Variants in AMELX observed in about 807,000 individuals in gnomAD.
AMELX encodes amelogenin X-linked, also known as amelogenin, X isoform.
AMELX carries 9 observed loss-of-function variants against 15.8 expected under a neutral mutation model. The observed-to-expected ratio is 0.57, with a 90% CI of 0.34 to 0.99. AMELX has a LOEUF of 0.99. AMELX is among the 50% of genes least tolerant of loss of function. The pLI, the probability that AMELX is intolerant of heterozygous loss-of-function variation, is 0.02. For missense variants in AMELX, 107 were observed against 156.2 expected (o/e 0.68, Z 1.68); for synonymous variants, 61 against 58.8 (o/e 1.04, Z -0.17).
At chrX:11,298,418 A>G in intron 4 of AMELX, 130 bp from the exon 5 acceptor site, 1 of 1,128,748 alleles carries the variant, frequency 8.9e-7, no homozygotes, top group East Asian at 3.0e-5. Context: ...CTGTGTACAC[A>G]GTTACAAATT....
chrX:11,306,853 A>C, the AMELX span, among the ~76,000 whole-genome samples: 2 of 112,208 alleles, frequency 1.8e-5, no homozygotes, highest in Non-Finnish European at 3.8e-5. Context: ...AAAATGAAGA[A>C]TCCCTAACTC....
intron 3 of AMELX, among the ~76,000 whole-genome samples, chrX:11,297,397 G>A (rs893910936): frequency 1.2e-4 from 13 of 111,501 alleles, no homozygotes; most frequent in African/African-American, 4.2e-4. Context: ...CTGGAACCCT[G>A]GTTTCCTCAT....
At chrX:11,298,391 T>C in intron 4 of AMELX, 114 bp downstream of exon 4, 2 of 1,123,728 alleles carry the variant, frequency 1.8e-6, no homozygotes, top group Admixed American at 2.2e-5. Flanking sequence ...GGAAATTTAG[T>C]TTGTAAAAAA....
chrX:11,304,881 A>C (rs1156334801), downstream of AMELX, among the ~76,000 whole-genome samples: 1 of 99,986 alleles, frequency 1.0e-5, no homozygotes, highest in Admixed American at 1.1e-4. Flanking sequence ...CCACCTCCCA[A>C]ATTCAAGCGA....
At chrX:11,303,825 A>C (rs767529930), downstream of AMELX, among the ~76,000 whole-genome samples, 1 of 111,483 alleles carries the variant, frequency 9.0e-6, no homozygotes, top group South Asian at 3.8e-4. Context: ...TCTGCTGTGG[A>C]AACTTGGACA....
At chrX:11,298,183 A>G in intron 3 of AMELX, 53 bp from the exon 4 acceptor site, 1 of 1,208,415 alleles carries the variant, frequency 8.3e-7, no homozygotes, top group Non-Finnish European at 1.1e-6. Context: ...GAGTTTCTAT[A>G]TTGGATGAAA....
At chrX:11,308,957 A>C in the AMELX span, among the ~76,000 whole-genome samples, 1 of 112,033 alleles carries the variant, frequency 8.9e-6, no homozygotes, top group South Asian at 3.8e-4. Context: ...GCCTGGTTTG[A>C]AGACTCTGAA....
At chrX:11,299,314 A>T (rs2048139290) in intron 5 of AMELX, among the ~76,000 whole-genome samples, 1 of 112,209 alleles carries the variant, frequency 8.9e-6, no homozygotes, top group Admixed American at 9.4e-5. Context: ...AGTTCTCCTT[A>T]TATTTCAAAG....
Position 11,294,118 on chromosome X carries a change from G to A in AMELX, c.-13+650G>A, listed in dbSNP as rs767414187. Among the ~76,000 whole-genome samples, 199 of 112,187 alleles carry A rather than the reference G, an allele frequency of 1.8e-3. 2 individuals are homozygous for A. Among genetic ancestry groups the A allele is most frequent in the African/African-American group, 6.3e-3 (194 of 30,948 alleles). ...GAAAATGAAACCTCTTAGGGAGAAA[G>A]TATTCAAAATTCATTGAAGAATCAC... is the stretch of plus-strand genomic sequence containing the variant. On this transcript the variant is annotated intron_variant, in intron 1 of 5. Transcript: ENST00000380714.
At chrX:11,303,787 T>C (rs1179654476), downstream of AMELX, among the ~76,000 whole-genome samples, 1 of 111,411 alleles carries the variant, frequency 9.0e-6, no homozygotes, top group Non-Finnish European at 1.9e-5. Context: ...AACCAAACCG[T>C]TTGATTCACA....
intron 5 of AMELX, among the ~76,000 whole-genome samples, chrX:11,300,004 T>A (rs1259245410): frequency 1.8e-5 from 2 of 112,440 alleles, no homozygotes; most frequent in Admixed American, 9.4e-5. Context: ...AATGGCTTCA[T>A]AATTGTGAGC....
downstream of AMELX, among the ~76,000 whole-genome samples, chrX:11,304,776 ACTTTT>A (rs2147587211): frequency 4.7e-5 from 2 of 42,433 alleles, no homozygotes; most frequent in African/African-American, 2.0e-4. Context: ...TCTTTCTTTT[ACTTTT>A]TTTTTTTTTT....
chrX:11,309,154 T>C, the AMELX span, among the ~76,000 whole-genome samples: 11 of 112,057 alleles, frequency 9.8e-5, no homozygotes, highest in African/African-American at 3.6e-4. Flanking sequence ...CCCCATGGAA[T>C]CTTTCACGTC....
downstream of AMELX, among the ~76,000 whole-genome samples, chrX:11,302,932 C>T (rs1398236493): frequency 2.7e-5 from 3 of 112,027 alleles, no homozygotes; most frequent in African/African-American, 6.5e-5. Context: ...TCTCTAAATC[C>T]GAAGTTTTTC....
chrX:11,299,380 C>A (rs1161036711), intron 5 of AMELX, among the ~76,000 whole-genome samples: 1 of 111,718 alleles, frequency 9.0e-6, no homozygotes, highest in Non-Finnish European at 1.9e-5. Flanking sequence ...CAAGAGGGAG[C>A]GGATAATTTT....
the AMELX span, among the ~76,000 whole-genome samples, chrX:11,306,193 C>A: frequency 3.6e-5 from 4 of 112,221 alleles, no homozygotes; most frequent in Admixed American, 9.4e-5. Flanking sequence ...CCATCAATGA[C>A]CAACACCTCA....
chrX:11,307,344 C>G, the AMELX span, among the ~76,000 whole-genome samples: 6 of 111,121 alleles, frequency 5.4e-5, no homozygotes, highest in Non-Finnish European at 9.4e-5. Flanking sequence ...TGCATACTCT[C>G]TCTACCTGGC....
At chrX:11,308,659 T>C in the AMELX span, among the ~76,000 whole-genome samples, 1 of 112,130 alleles carries the variant, frequency 8.9e-6, no homozygotes, top group Non-Finnish European at 1.9e-5. Flanking sequence ...ATGTTTTGGC[T>C]CATCCTGGAT....
intron 3 of AMELX, 199 bp from the exon 4 acceptor site, chrX:11,298,036 AT>A (rs1003751801): frequency 9.8e-7 from 1 of 1,023,385 alleles, no homozygotes; most frequent in African/African-American, 1.9e-5. Context: ...TGTGTGATGG[AT>A]GTAAACACAG....
Sources: allele counts gnomAD v4.1 joint callset (sites outside exome capture counted in the v4.1 genomes callset), GRCh38; gene constraint gnomAD v4.1.1; transcripts MANE v1.5; gene names NCBI Gene and HGNC (gene_info 2026-07-23, HGNC 2026-07-21).